FANCA: variants seen among roughly 807,000 people sequenced by gnomAD.
FANCA encodes Fanconi anemia group A protein.
In FANCA, 236 loss-of-function variants were observed where a neutral mutation model predicts 194.3. That is an observed-to-expected ratio of 1.21 (90% CI 1.09 to 1.35). FANCA has a LOEUF of 1.35. FANCA is among the 40% of genes most tolerant of loss of function. The probability of loss-of-function intolerance (pLI) is 0.00; values close to 1 mark genes in which losing one functional copy is unlikely to be tolerated. For missense variants in FANCA, 2,628 were observed against 1,813.9 expected (o/e 1.45, Z -8.15); for synonymous variants, 1,014 against 715.8 (o/e 1.42, Z -6.65).
chr16:89,811,993 A>G (rs1372678944), intron 3 of FANCA, among the ~76,000 whole-genome samples: 1 of 149,860 alleles, frequency 6.7e-6, no homozygotes, highest in Non-Finnish European at 1.5e-5. Flanking sequence ...GGCCTCCCAT[A>G]CTGCTGGGAT....
At position 89,764,715 on chromosome 16, in the gene FANCA, C is replaced by T. The variant is rs536518315; in HGVS notation, c.2778+175G>A. 2.6e-5 allele frequency: 20 copies of T among 780,704 alleles called. No individual in the cohort carries two copies. The East Asian group carries it at 4.1e-4, about 16-fold the overall frequency. The allele number at this position is 780,704 out of a possible 1,614,324, so 48.4% of individuals were successfully genotyped here. A position where few individuals can be genotyped will look rare whatever the true frequency, so the allele number is the denominator to read the frequency against. Reference sequence around the variant, plus strand: ...TGCCTCTGAGGAGACAGTCGGCACACGCACCCTAGACTCGAGACGAGGAGA... The same window carrying T: ...TGCCTCTGAGGAGACAGTCGGCACATGCACCCTAGACTCGAGACGAGGAGA... On this transcript the variant is annotated intron_variant, in intron 28 of 42. Transcript: ENST00000389301.
At chr16:89,765,087 G>C in intron 27 of FANCA, 21 bp from the exon 28 acceptor site, 1 of 1,613,590 alleles carries the variant, frequency 6.2e-7, no homozygotes, top group Non-Finnish European at 8.5e-7. Context: ...GAGTGACCCG[G>C]CCGTTTCTTC....
chr16:89,773,174 C>T (rs991331775), intron 22 of FANCA, 97 bp downstream of exon 22: 1 of 958,516 alleles, frequency 1.0e-6, no homozygotes. Context: ...GGAAGACACA[C>T]CAGCCTGATG....
chr16:89,811,174 A>C, intron 3 of FANCA, 103 bp from the exon 4 acceptor site: 1 of 1,484,702 alleles, frequency 6.7e-7, no homozygotes, highest in Non-Finnish European at 9.3e-7. Flanking sequence ...TGCAGCACAA[A>C]AAAAATTGCC....
chr16:89,792,571 A>C (rs761198167), intron 11 of FANCA, 24 bp from the exon 12 acceptor site: 2 of 1,608,502 alleles, frequency 1.2e-6, no homozygotes, highest in Non-Finnish European at 1.7e-6. Context: ...AACAGACAAA[A>C]ACTTCAAGTC....
chr16:89,747,558 T>G (rs1029673), intron 33 of FANCA, among the ~76,000 whole-genome samples: 38,057 of 151,784 alleles, frequency 0.25, 4,863 homozygotes, highest in Middle Eastern at 0.37. Context: ...ACTTAGCCGG[T>G]CATGGCGGCA....
intron 36 of FANCA, among the ~76,000 whole-genome samples, chr16:89,743,540 G>A (rs2062182336): frequency 6.6e-6 from 1 of 152,126 alleles, no homozygotes; most frequent in African/African-American, 2.4e-5. Flanking sequence ...AAACAAAAAC[G>A]AGGCAGGGCG....
intron 3 of FANCA, among the ~76,000 whole-genome samples, chr16:89,812,062 A>G (rs1271764173): frequency 1.4e-5 from 2 of 147,372 alleles, no homozygotes; most frequent in Admixed American, 6.7e-5. Context: ...CGGGCCGGGC[A>G]CGGTGGCTCA....
chr16:89,758,887 G>T (rs2038851027), intron 29 of FANCA, among the ~76,000 whole-genome samples, 182 bp from the exon 30 acceptor site: 1 of 152,124 alleles, frequency 6.6e-6, no homozygotes, highest in African/African-American at 2.4e-5. Flanking sequence ...GATGCCTGGG[G>T]ATGTGGGAAA....
chr16:89,790,002 G>A (rs1362277889), intron 14 of FANCA, among the ~76,000 whole-genome samples: 1 of 152,144 alleles, frequency 6.6e-6, no homozygotes, highest in Non-Finnish European at 1.5e-5. Flanking sequence ...AGGAACAGCT[G>A]CATAAACTTC....
At chr16:89,750,815 A>G (rs773354218) in intron 31 of FANCA, among the ~76,000 whole-genome samples, 3 of 152,056 alleles carry the variant, frequency 2.0e-5, no homozygotes, top group Non-Finnish European at 2.9e-5. Flanking sequence ...CAGCAGGAGG[A>G]CACTCATGTG....
chr16:89,803,294 G>T lies in FANCA; in HGVS notation c.757C>A (p.Leu253Met). The T allele has an allele frequency of 6.2e-7, 1 of 1,614,114 alleles. No homozygotes were observed. Among genetic ancestry groups the T allele is most frequent in the Non-Finnish European group, 8.5e-7 (1 of 1,180,002 alleles). ...TTTTCAGGCTCCACAGTTCTTCTCA[G>T]ATCTGAGTTTTTCTGAAATCCCCTC... ...VLRGFQKNSD[L>M]RRTVEPEKMP... The change falls in exon 8 of 43, where the codon CTG (leucine) becomes ATG (methionine). Residue 253 changes from leucine to methionine, a missense_variant. Coordinates refer to ENST00000389301, the MANE Select transcript of FANCA (RefSeq NM_000135.4).
chr16:89,773,123 C>T (rs2039380686), intron 22 of FANCA, 148 bp downstream of exon 22: 2 of 693,564 alleles, frequency 2.9e-6, no homozygotes, highest in Non-Finnish European at 5.1e-6. Flanking sequence ...AGGTTCCACA[C>T]CCGCCAGCCC....
chr16:89,748,737 G>A lies in FANCA; in HGVS notation c.3270C>T (p.Leu1090=), dbSNP rs762719233. The change falls in exon 33 of 43, where the codon CTC becomes CTT. Residue 1090 remains leucine, a synonymous_variant. Coordinates refer to ENST00000389301, the MANE Select transcript of FANCA (RefSeq NM_000135.4). ...RILLRLPSSV[L]CGSSFQAEQP... is the part of the protein sequence containing the mutation. ...GTTCTGCCTGGAAGCTGCTGCCGCA[G>A]AGGACAGACGAAGGCAGGCGGAGGA... 6 of 1,614,006 alleles carry A rather than the reference G, an allele frequency of 3.7e-6. No homozygotes were observed. The highest frequency in any genetic ancestry group is 1.3e-5 in the African/African-American group (1 of 74,946).
intron 8 of FANCA, among the ~76,000 whole-genome samples, chr16:89,802,753 T>C (rs537635859): frequency 6.6e-6 from 1 of 152,154 alleles, no homozygotes; most frequent in African/African-American, 2.4e-5. Flanking sequence ...GCAACAGGAA[T>C]GCAACTGAAG....
chr16:89,787,504 G>C (rs1293433401), intron 14 of FANCA, among the ~76,000 whole-genome samples: 1 of 151,784 alleles, frequency 6.6e-6, no homozygotes, highest in Non-Finnish European at 1.5e-5. Context: ...TGGGCAACAA[G>C]AGCGAACTCC....
chr16:89,756,261 T>C (rs1236456336), intron 30 of FANCA, among the ~76,000 whole-genome samples: 1 of 152,084 alleles, frequency 6.6e-6, no homozygotes, highest in Non-Finnish European at 1.5e-5. Context: ...TGGAAAGATG[T>C]TCAAAATCAC....
rs1159861002 is a variant in FANCA at position 89,799,644 on chromosome 16, A to G, written c.793-6T>C. The G allele has an allele frequency of 6.2e-7, 1 of 1,610,988 alleles. No individual in the cohort carries two copies. Among genetic ancestry groups the G allele is most frequent in the African/African-American group, 1.3e-5 (1 of 74,936 alleles). ...TGCAGTACATCAACCGTGACCTGTC[A>G]AAATAGAATGTGAGTTACCATCTTG... On this transcript the variant is annotated splice_region_variant and splice_polypyrimidine_tract_variant and intron_variant, in intron 8 of 42. Transcript: ENST00000389301.
intron 29 of FANCA, 106 bp downstream of exon 29, chr16:89,761,843 C>G (rs2038963469): frequency 3.2e-6 from 3 of 923,690 alleles, no homozygotes; most frequent in Non-Finnish European, 5.4e-6. Flanking sequence ...CCAGGCTGAC[C>G]TCAAACTCCT....
Sources: allele counts gnomAD v4.1 joint callset (sites outside exome capture counted in the v4.1 genomes callset), GRCh38; gene constraint gnomAD v4.1.1; transcripts MANE v1.5; gene names NCBI Gene and HGNC (gene_info 2026-07-23, HGNC 2026-07-21).